The following TMCO5A variants were observed in gnomAD, a reference collection of about 807,000 sequenced individuals.
TMCO5A encodes transmembrane and coiled-coil domain-containing protein 5A.
TMCO5A carries 34 observed loss-of-function variants against 42.3 expected under a neutral mutation model. That is an observed-to-expected ratio of 0.80 (90% confidence interval 0.61 to 1.07). The LOEUF (loss-of-function observed/expected upper bound fraction) is 1.07. TMCO5A is among the 50% of genes least tolerant of loss of function. TMCO5A has a pLI of 0.00. For missense variants in TMCO5A, 357 were observed against 327.9 expected (o/e 1.09, Z -0.69); for synonymous variants, 131 against 115.6 (o/e 1.13, Z -0.86).
chr15:37,937,307 G>A, intron 4 of TMCO5A, 39 bp from the exon 5 acceptor site: 1 of 1,607,948 alleles, frequency 6.2e-7, no homozygotes, highest in Non-Finnish European at 8.5e-7. Flanking sequence ...AACAGATGGA[G>A]TACAGAGGCA....
the TMCO5A span, among the ~76,000 whole-genome samples, chr15:38,031,372 C>G: frequency 6.6e-6 from 1 of 152,122 alleles, no homozygotes; most frequent in African/African-American, 2.4e-5. Context: ...TTTGTCCCTC[C>G]CGCATTGTAT....
the TMCO5A span, among the ~76,000 whole-genome samples, chr15:38,010,383 CAAAAAAAAAAAAA>C: frequency 7.4e-5 from 3 of 40,326 alleles, no homozygotes; most frequent in Non-Finnish European, 1.3e-4. Context: ...ACTCCGTCTC[CAAAAAAAAAAAAA>C]AAAAAAAAAA....
intron 2 of TMCO5A, 78 bp from the exon 3 acceptor site, chr15:37,936,236 C>T: frequency 6.6e-7 from 1 of 1,510,478 alleles, no homozygotes; most frequent in African/African-American, 1.4e-5. Flanking sequence ...TAGATGTGTT[C>T]TAAATACCCT....
chr15:37,950,027 C>T (rs531186482), intron 11 of TMCO5A, among the ~76,000 whole-genome samples: 105 of 152,286 alleles, frequency 6.9e-4, no homozygotes, highest in African/African-American at 2.1e-3. Flanking sequence ...TCCATAAGGC[C>T]GCTTGAGTGT....
chr15:38,038,301 G>A, the TMCO5A span, among the ~76,000 whole-genome samples: 2 of 151,988 alleles, frequency 1.3e-5, no homozygotes, highest in Non-Finnish European at 2.9e-5. Flanking sequence ...CGATGGCACT[G>A]CTATAAATAA....
the TMCO5A span, among the ~76,000 whole-genome samples, chr15:38,012,172 G>A: frequency 2.6e-5 from 4 of 152,050 alleles, no homozygotes; most frequent in African/African-American, 9.6e-5. Context: ...TGTGGTGAGA[G>A]GGTTTTCATA....
chr15:37,955,568 A>G (rs1017926947), downstream of TMCO5A, among the ~76,000 whole-genome samples: 6 of 152,208 alleles, frequency 3.9e-5, no homozygotes, highest in African/African-American at 1.4e-4. Flanking sequence ...ATATGCACCC[A>G]ATACAGGAGC....
chr15:37,995,771 T>C, the TMCO5A span, among the ~76,000 whole-genome samples: 6 of 150,890 alleles, frequency 4.0e-5, no homozygotes, highest in Admixed American at 6.6e-5. Flanking sequence ...AGAAAAGATA[T>C]AAGAAATAGA....
the TMCO5A span, among the ~76,000 whole-genome samples, chr15:38,025,348 CT>C: frequency 4.6e-5 from 7 of 152,172 alleles, no homozygotes; most frequent in African/African-American, 1.7e-4. Flanking sequence ...CCCATTGGTG[CT>C]TTCAAGTCAA....
downstream of TMCO5A, among the ~76,000 whole-genome samples, chr15:37,970,068 A>C (rs1044609027): frequency 6.6e-6 from 1 of 152,104 alleles, no homozygotes; most frequent in Non-Finnish European, 1.5e-5. Context: ...TGAATGGTTA[A>C]TTCTGTTTTA....
the TMCO5A span, among the ~76,000 whole-genome samples, chr15:37,987,999 A>G: frequency 6.6e-6 from 1 of 151,796 alleles, no homozygotes; most frequent in Non-Finnish European, 1.5e-5. Flanking sequence ...ATGAATGTAA[A>G]ATGTCTTTCT....
the TMCO5A span, among the ~76,000 whole-genome samples, chr15:38,007,100 A>G: frequency 6.6e-6 from 1 of 152,230 alleles, no homozygotes; most frequent in East Asian, 1.9e-4. Context: ...AAAAAATGCC[A>G]TAACTATTCT....
chr15:38,035,191 A>G, the TMCO5A span, among the ~76,000 whole-genome samples: 67 of 152,250 alleles, frequency 4.4e-4, no homozygotes, highest in African/African-American at 1.6e-3. Flanking sequence ...AGAGGAGCCC[A>G]AGAATTCTAC....
At chr15:37,962,822 A>T (rs951245258) in intron 11 of TMCO5A, among the ~76,000 whole-genome samples, 1 of 151,920 alleles carries the variant, frequency 6.6e-6, no homozygotes, top group African/African-American at 2.4e-5. Flanking sequence ...TATCGTTTAT[A>T]TGTGTAAAGG....
chr15:38,016,810 C>A, the TMCO5A span, among the ~76,000 whole-genome samples: 1 of 152,294 alleles, frequency 6.6e-6, no homozygotes, highest in Admixed American at 6.5e-5. Flanking sequence ...AAAAGTTTAT[C>A]TGGGTTTATT....
chr15:37,980,213 C>T, the TMCO5A span, among the ~76,000 whole-genome samples: 1 of 150,536 alleles, frequency 6.6e-6, no homozygotes, highest in African/African-American at 2.5e-5. Context: ...GTAAGGCCTG[C>T]GGTCCGTCCA....
chr15:37,955,514 G>A (rs577885692), downstream of TMCO5A, among the ~76,000 whole-genome samples: 420 of 152,168 alleles, frequency 2.8e-3, 4 homozygotes, highest in South Asian at 0.014. Context: ...TCACATAATG[G>A]TAAAGGGATC....
the TMCO5A span, among the ~76,000 whole-genome samples, chr15:38,011,331 G>A: frequency 3.9e-5 from 6 of 152,144 alleles, no homozygotes; most frequent in Admixed American, 2.0e-4. Context: ...CTTGTCACAC[G>A]TGTCCCTTCA....
downstream of TMCO5A, among the ~76,000 whole-genome samples, chr15:37,971,117 T>A (rs900958934): frequency 2.6e-5 from 4 of 152,212 alleles, no homozygotes; most frequent in Non-Finnish European, 4.4e-5. Flanking sequence ...AGGTTCTCCA[T>A]GAGGACCCCG....
Sources: gnomAD v4.1 joint callset for allele counts (sites outside exome capture counted in the v4.1 genomes callset) on GRCh38, gnomAD v4.1.1 for gene constraint, MANE v1.5 for transcripts, NCBI Gene and HGNC (gene_info 2026-07-23, HGNC 2026-07-21) for gene names.